Variants in SLC16A12 observed in about 807,000 individuals in gnomAD.
SLC16A12 encodes monocarboxylate transporter 12.
A neutral mutation model predicts 42.4 loss-of-function variants in SLC16A12; 17 were observed. That is an observed-to-expected ratio of 0.40 (90% CI 0.27 to 0.60). The LOEUF (loss-of-function observed/expected upper bound fraction) is 0.60. SLC16A12 is among the 20% of genes least tolerant of loss of function. The pLI, the probability that SLC16A12 is intolerant of heterozygous loss-of-function variation, is 0.42. For synonymous variants in SLC16A12, 224 were observed against 229.4 expected (o/e 0.98, Z 0.21); for missense variants, 544 against 623.0 (o/e 0.87, Z 1.35).
Position 89,462,418 on chromosome 10 carries a change from C to T in SLC16A12, c.161G>A (p.Gly54Asp). 6.2e-7 allele frequency: 1 copy of T among 1,614,042 alleles called. No individual in the cohort carries two copies. The highest frequency in any genetic ancestry group is 8.5e-7 in the Non-Finnish European group (1 of 1,179,936). Residue 54 changes from glycine (G) to aspartate (D), a missense_variant, in exon 3 of 8, where the codon GGC (glycine) becomes GAC (aspartate). Gly to Asp is a moderately conservative substitution (Grantham distance 94). Transcript: ENST00000371790. The stretch of plus-strand genomic sequence containing the variant: ...TGTGCAGATGGTAACAAGGAAACAG[C>T]CAGCCACAATCATCCAGCCCCAGCC... ...DGGWGWMIVA[G>D]CFLVTICTRA...
chr10:89,446,717 C>A (rs142191620), intron 3 of SLC16A12, among the ~76,000 whole-genome samples: 44 of 152,282 alleles, frequency 2.9e-4, no homozygotes, highest in African/African-American at 1.0e-3. Context: ...GCAAAATAAC[C>A]AGCTAACATT....
chr10:89,475,074 G>C (rs1226451613), intron 2 of SLC16A12, among the ~76,000 whole-genome samples: 2 of 152,192 alleles, frequency 1.3e-5, no homozygotes, highest in African/African-American at 4.8e-5. Context: ...TGGATATTCA[G>C]AAAACGATAG....
At chr10:89,452,138 G>A (rs1842104895) in intron 3 of SLC16A12, among the ~76,000 whole-genome samples, 2 of 152,270 alleles carry the variant, frequency 1.3e-5, no homozygotes, top group South Asian at 4.1e-4. Flanking sequence ...AGAAGGAAAT[G>A]GAAAGATCAG....
At chr10:89,446,105 T>C (rs1358097746) in intron 3 of SLC16A12, among the ~76,000 whole-genome samples, 1 of 152,130 alleles carries the variant, frequency 6.6e-6, no homozygotes, top group East Asian at 1.9e-4. Context: ...TATGGGACTA[T>C]GTGAAAAGAC....
At chr10:89,517,804 A>G (rs1843279219) in intron 2 of SLC16A12, among the ~76,000 whole-genome samples, 1 of 152,170 alleles carries the variant, frequency 6.6e-6, no homozygotes, top group African/African-American at 2.4e-5. Flanking sequence ...CTTCAAGAAA[A>G]TGATTGCCAT....
intron 2 of SLC16A12, among the ~76,000 whole-genome samples, chr10:89,499,672 G>T (rs1842968132): frequency 6.6e-6 from 1 of 152,132 alleles, no homozygotes; most frequent in South Asian, 2.1e-4. Context: ...AAAGTTCATA[G>T]CCCTAAATGC....
intron 2 of SLC16A12, among the ~76,000 whole-genome samples, chr10:89,524,773 C>T (rs1270603066): frequency 6.6e-6 from 1 of 152,190 alleles, no homozygotes; most frequent in East Asian, 1.9e-4. Flanking sequence ...GGCAGGGCCT[C>T]AGTGCATGTT....
At chr10:89,469,725 T>G (rs1842463994) in intron 2 of SLC16A12, among the ~76,000 whole-genome samples, 1 of 152,212 alleles carries the variant, frequency 6.6e-6, no homozygotes, top group African/African-American at 2.4e-5. Context: ...CCAGTGACCC[T>G]GTATGAATCA....
intron 3 of SLC16A12, chr10:89,456,035 C>T (rs1341118249): frequency 6.6e-6 from 1 of 152,196 alleles, no homozygotes; most frequent in Non-Finnish European, 1.5e-5. Context: ...AATCTTGCCA[C>T]TCTGCTGTAA....
At chr10:89,503,839 A>G (rs1564592132) in intron 2 of SLC16A12, among the ~76,000 whole-genome samples, 2 of 152,188 alleles carry the variant, frequency 1.3e-5, no homozygotes, top group Non-Finnish European at 2.9e-5. Context: ...GTCTGAGCAG[A>G]GGCTGTGGAG....
chr10:89,515,091 C>T (rs1000742194), intron 2 of SLC16A12, among the ~76,000 whole-genome samples: 1 of 144,390 alleles, frequency 6.9e-6, no homozygotes, highest in Non-Finnish European at 1.5e-5. Flanking sequence ...GACTTCATCT[C>T]AAAAAAAAGA....
At chr10:89,481,674 A>AGTGTGT (rs1564583942) in intron 2 of SLC16A12, among the ~76,000 whole-genome samples, 1 of 148,640 alleles carries the variant, frequency 6.7e-6, no homozygotes, top group African/African-American at 2.5e-5. Flanking sequence ...TGAGAGAGAG[A>AGTGTGT]GAGAGTGTGT....
chr10:89,527,058 T>C (rs1172051970), intron 2 of SLC16A12, among the ~76,000 whole-genome samples: 2 of 152,258 alleles, frequency 1.3e-5, no homozygotes, highest in Non-Finnish European at 2.9e-5. Context: ...TTAAGATTTT[T>C]ATTCGTGGAT....
At chr10:89,486,630 A>G (rs1317998503) in intron 2 of SLC16A12, among the ~76,000 whole-genome samples, 1 of 131,694 alleles carries the variant, frequency 7.6e-6, no homozygotes, top group Admixed American at 7.2e-5. Context: ...AAAGAAAGAA[A>G]GAAAGAAAGA....
At chr10:89,456,807 T>A (rs998982487) in intron 3 of SLC16A12, among the ~76,000 whole-genome samples, 1 of 152,148 alleles carries the variant, frequency 6.6e-6, no homozygotes, top group African/African-American at 2.4e-5. Context: ...GAGTGTTTGG[T>A]TTTCTGTTCC....
At chr10:89,486,591 CA>C (rs374359325) in intron 2 of SLC16A12, among the ~76,000 whole-genome samples, 4,551 of 42,694 alleles carry the variant, frequency 0.11, 208 homozygotes, top group Admixed American at 0.12. Context: ...AACCTTGTCT[CA>C]AAAAAAAAAA....
intron 3 of SLC16A12, among the ~76,000 whole-genome samples, chr10:89,451,603 G>A (rs1389274201): frequency 6.6e-6 from 1 of 151,994 alleles, no homozygotes; most frequent in Non-Finnish European, 1.5e-5. Context: ...GTAGAGACAG[G>A]GTTTCATCAT....
Position 89,438,764 on chromosome 10 carries a change from C to T in SLC16A12, c.868G>A (p.Val290Ile), listed in dbSNP as rs578168671. The change falls in exon 6 of 8, where the codon GTT (valine) becomes ATT (isoleucine). Residue 290 changes from valine to isoleucine, a missense_variant. By Grantham distance (29) the Val-to-Ile change is conservative. Transcript: ENST00000371790. The part of the protein sequence containing the change: ...MSDFVVLAVS[V>I]LFMAYGCSPL... ...CTGCAGCCATAAGCCATAAACAGAA[C>T]GGAGACGGCTAACACAACAAAGTCT... 248 of 1,614,146 alleles carry T rather than the reference C, an allele frequency of 1.5e-4. 1 individual carries two copies. The highest frequency in any genetic ancestry group is 8.2e-4 in the Middle Eastern group (5 of 6,062).
intron 2 of SLC16A12, among the ~76,000 whole-genome samples, chr10:89,527,803 TA>T (rs1171305059): frequency 9.7e-4 from 116 of 119,096 alleles, no homozygotes; most frequent in South Asian, 1.3e-3. Flanking sequence ...CCCCATCTCT[TA>T]AAAAAAAAAA....
Sources: gnomAD v4.1 joint callset for allele counts (sites outside exome capture counted in the v4.1 genomes callset) on GRCh38, gnomAD v4.1.1 for gene constraint, MANE v1.5 for transcripts, NCBI Gene and HGNC (gene_info 2026-07-23, HGNC 2026-07-21) for gene names.